Variants in ITGBL1 observed in about 807,000 individuals in gnomAD.
ITGBL1 encodes integrin subunit beta like 1.
In ITGBL1, 51 loss-of-function variants were observed where a neutral mutation model predicts 68.5. That is an observed-to-expected ratio of 0.74 (90% CI 0.59 to 0.94). ITGBL1 has a LOEUF of 0.94. Among genes scored for constraint, ITGBL1 ranks in the 40% least tolerant of loss-of-function variants. The pLI is 0.00. For missense variants in ITGBL1, 649 were observed against 647.4 expected, an observed-to-expected ratio of 1.00 and a Z score of -0.03; for synonymous variants, 209 against 227.3, an observed-to-expected ratio of 0.92 and a Z score of 0.72.
intron 2 of ITGBL1, among the ~76,000 whole-genome samples, chr13:101,515,926 C>T (rs887496944): frequency 2.4e-4 from 37 of 152,120 alleles, no homozygotes; most frequent in African/African-American, 8.7e-4. Context: ...CTTAAATGTG[C>T]ATCAAAGAGG....
At chr13:101,695,973 C>T (rs2033991916) in intron 8 of ITGBL1, among the ~76,000 whole-genome samples, 1 of 152,162 alleles carries the variant, frequency 6.6e-6, no homozygotes, top group South Asian at 2.1e-4. Flanking sequence ...CTTGTGGGCT[C>T]CTTGAAAGCT....
At chr13:101,611,082 G>A (rs1284877742) in intron 7 of ITGBL1, among the ~76,000 whole-genome samples, 1 of 152,162 alleles carries the variant, frequency 6.6e-6, no homozygotes, top group Non-Finnish European at 1.5e-5. Flanking sequence ...GTGGGAGACA[G>A]CCTGGGGGGA....
At chr13:101,466,156 T>C (rs938083019) in intron 2 of ITGBL1, among the ~76,000 whole-genome samples, 2 of 152,222 alleles carry the variant, frequency 1.3e-5, no homozygotes, top group African/African-American at 4.8e-5. Flanking sequence ...CTTAATTTTC[T>C]GCTGAATTTA....
At chr13:101,700,054 C>A (rs1309302710) in intron 8 of ITGBL1, among the ~76,000 whole-genome samples, 1 of 152,198 alleles carries the variant, frequency 6.6e-6, no homozygotes, top group Non-Finnish European at 1.5e-5. Context: ...AGCTGCTTCA[C>A]TTCTAGGGCT....
At chr13:101,460,432 C>T (rs1388682712) in intron 2 of ITGBL1, among the ~76,000 whole-genome samples, 2 of 152,198 alleles carry the variant, frequency 1.3e-5, no homozygotes, top group Non-Finnish European at 2.9e-5. Context: ...TTCGGGAGCT[C>T]TACTTTCTTA....
intron 2 of ITGBL1, among the ~76,000 whole-genome samples, chr13:101,528,149 T>C (rs2049411416): frequency 6.6e-6 from 1 of 151,464 alleles, no homozygotes; most frequent in Admixed American, 6.6e-5. Context: ...AAAATATATA[T>C]AGGTTTATTA....
intron 3 of ITGBL1, among the ~76,000 whole-genome samples, chr13:101,570,586 G>A (rs1481703480): frequency 6.6e-6 from 1 of 152,156 alleles, no homozygotes; most frequent in African/African-American, 2.4e-5. Flanking sequence ...AGCAAACAAT[G>A]ATTCATGAAT....
At chr13:101,607,056 A>G (rs868640486) in intron 7 of ITGBL1, among the ~76,000 whole-genome samples, 1 of 152,040 alleles carries the variant, frequency 6.6e-6, no homozygotes, top group Middle Eastern at 3.2e-3. Context: ...GATATGGAAT[A>G]CATAGGTCTA....
At chr13:101,659,663 G>A (rs762319772) in intron 7 of ITGBL1, among the ~76,000 whole-genome samples, 41 of 152,096 alleles carry the variant, frequency 2.7e-4, no homozygotes, top group African/African-American at 4.8e-4. Context: ...GGGTTTCACC[G>A]TGTTAGCCAA....
Position 101,608,322 on chromosome 13 carries a change from A to G in ITGBL1, c.1015+10023A>G, listed in dbSNP as rs115626454. 2.7e-3 allele frequency among the ~76,000 whole-genome samples: 399 copies of G among 150,240 alleles called. 1 individual carries two copies. The highest frequency in any genetic ancestry group is 9.3e-3 in the African/African-American group (381 of 41,016). Reference sequence around the variant, plus strand: ...TTTTTATTGGGAAAGCCCATCTTTAATTTCCTGTTTTATTTTTCAGAGAAG... The same window carrying G: ...TTTTTATTGGGAAAGCCCATCTTTAGTTTCCTGTTTTATTTTTCAGAGAAG... On this transcript the variant is annotated intron_variant, in intron 7 of 10. Transcript: ENST00000376180.
At chr13:101,459,199 A>T (rs1037408450) in intron 2 of ITGBL1, among the ~76,000 whole-genome samples, 1 of 152,198 alleles carries the variant, frequency 6.6e-6, no homozygotes, top group Non-Finnish European at 1.5e-5. Context: ...TTCTGATTTC[A>T]TTGGCCACCA....
intron 2 of ITGBL1, among the ~76,000 whole-genome samples, chr13:101,492,799 A>G (rs1005520396): frequency 1.6e-4 from 25 of 152,326 alleles, no homozygotes; most frequent in Middle Eastern, 6.8e-3. Context: ...GCTCTCAAGT[A>G]TATTGTCTCA....
At chr13:101,720,067 ATATTT>A (rs1594016651), downstream of ITGBL1, 3 of 152,166 alleles carry the variant, frequency 2.0e-5, no homozygotes, top group African/African-American at 7.2e-5. Flanking sequence ...CTTCATATAA[ATATTT>A]TATTCAATAT....
chr13:101,594,404 TATCTC>T (rs1388824822), intron 6 of ITGBL1, among the ~76,000 whole-genome samples: 2 of 152,194 alleles, frequency 1.3e-5, no homozygotes, highest in Non-Finnish European at 2.9e-5. Context: ...ATTAGAGTCT[TATCTC>T]ATACTGTATA....
chr13:101,497,733 A>C (rs1378307119), intron 2 of ITGBL1, among the ~76,000 whole-genome samples: 1 of 152,206 alleles, frequency 6.6e-6, no homozygotes, highest in Non-Finnish European at 1.5e-5. Context: ...TGACCATGTC[A>C]CGCTCCTTAA....
chr13:101,708,304 A>G (rs2034308693), intron 9 of ITGBL1, among the ~76,000 whole-genome samples: 1 of 152,116 alleles, frequency 6.6e-6, no homozygotes, highest in South Asian at 2.1e-4. Context: ...GCTTCAAAGA[A>G]ACTGAAGTTA....
At chr13:101,644,873 A>G (rs1716507419) in intron 7 of ITGBL1, among the ~76,000 whole-genome samples, 1 of 152,230 alleles carries the variant, frequency 6.6e-6, no homozygotes, top group African/African-American at 2.4e-5. Context: ...TTCATGTAAT[A>G]CCTTAAGAAC....
intron 2 of ITGBL1, among the ~76,000 whole-genome samples, chr13:101,558,492 A>T (rs1224022826): frequency 6.6e-6 from 1 of 152,188 alleles, no homozygotes; most frequent in African/African-American, 2.4e-5. Flanking sequence ...TGACAAATAG[A>T]GTCTTAGAAC....
At chr13:101,698,826 C>A (rs569240381) in intron 8 of ITGBL1, among the ~76,000 whole-genome samples, 1 of 152,274 alleles carries the variant, frequency 6.6e-6, no homozygotes, top group Non-Finnish European at 1.5e-5. Context: ...AGACTTCCCT[C>A]CTGTGTGCCA....
Sources: gnomAD v4.1 joint callset for allele counts (sites outside exome capture counted in the v4.1 genomes callset) on GRCh38, gnomAD v4.1.1 for gene constraint, MANE v1.5 for transcripts, NCBI Gene and HGNC (gene_info 2026-07-23, HGNC 2026-07-21) for gene names.